ZKSCAN3: variants seen among roughly 807,000 people sequenced by gnomAD.
ZKSCAN3 encodes zinc finger protein with KRAB and SCAN domains 3.
In ZKSCAN3, 21 loss-of-function variants were observed where a neutral mutation model predicts 30.7. The observed-to-expected ratio is 0.68, with a 90% confidence interval of 0.49 to 0.99. The LOEUF (loss-of-function observed/expected upper bound fraction) is 0.99. Ranked by LOEUF, ZKSCAN3 falls within the 50% of genes least tolerant of loss-of-function variation. The probability of loss-of-function intolerance (pLI) is 0.00; values close to 1 mark genes in which losing one functional copy is unlikely to be tolerated. For missense variants in ZKSCAN3, 507 were observed against 647.1 expected (o/e 0.78, Z 2.35); for synonymous variants, 201 against 246.7 (o/e 0.81, Z 1.73).
In ZKSCAN3 at chr6:28,366,270, C is replaced by T. The variant is rs1400820334; in HGVS notation, c.1602C>T (p.Asn534=). 9 of 1,532,024 alleles carry T rather than the reference C, an allele frequency of 5.9e-6. No homozygotes were observed. The highest frequency in any genetic ancestry group is 1.8e-4 in the Middle Eastern group (1 of 5,660). The allele number at this position is 1,532,024 out of a possible 1,614,324, so 94.9% of individuals were successfully genotyped here. ...ATCAGAGAAGCCATGTAGGGAAAAACATCCTATCACAGTGACCCATGCCAT... is the reference window on the plus strand; with the variant it reads ...ATCAGAGAAGCCATGTAGGGAAAAATATCCTATCACAGTGACCCATGCCAT... ...VQHQRSHVGK[N]ILSQ is the part of the protein sequence containing the mutation. Residue 534 remains asparagine (N), a synonymous_variant, in exon 6 of 6, where the codon AAC becomes AAT. Coordinates refer to ENST00000252211, the MANE Select transcript of ZKSCAN3 (RefSeq NM_024493.4).
chr6:28,363,798 G>T lies in ZKSCAN3; in HGVS notation c.740G>T (p.Gly247Val). The T allele has an allele frequency of 6.2e-7, 1 of 1,613,824 alleles. No homozygotes were observed. Among genetic ancestry groups the T allele is most frequent in the Non-Finnish European group, 8.5e-7 (1 of 1,179,824 alleles). ...AGAGATGAAAAGCAGGAGAACCATGGCAGCCTGGTCTCCCTGGGTAAGACT... is the reference window on the plus strand; with the variant it reads ...AGAGATGAAAAGCAGGAGAACCATGTCAGCCTGGTCTCCCTGGGTAAGACT... ...LCRDEKQENHGSLVSLGDEKQ... is the reference protein window; with the variant it reads ...LCRDEKQENHVSLVSLGDEKQ... The change falls in exon 5 of 6, where the codon GGC (glycine) becomes GTC (valine). Residue 247 changes from glycine to valine, a missense_variant. Transcript: ENST00000252211.
chr6:28,349,937 C>A (rs9468346), upstream of ZKSCAN3: 2,736 of 152,298 alleles, frequency 0.018, 27 homozygotes, highest in Admixed American at 0.027. This position sits in a 1 kb window ranked among gnomAD's most constrained non-coding sequence, Gnocchi z 4.1. Flanking sequence ...CCCCGCCCTG[C>A]GGGTGGTTTG....
At position 28,367,722 on chromosome 6, in the gene ZKSCAN3, A is replaced by AT. The variant is rs55844189; in HGVS notation, c.*1454dup. 0.011 allele frequency: 1,541 copies of AT among 143,272 alleles called. 23 individuals carry two copies. The highest frequency in any genetic ancestry group is 0.025 in the African/African-American group (963 of 39,034). 8.9% of individuals were successfully genotyped at this position (143,272 alleles called of 1,614,324 possible). A position where few individuals can be genotyped will look rare whatever the true frequency, so the allele number is the denominator to read the frequency against. On this transcript the variant is annotated 3_prime_UTR_variant, in exon 6 of 6. Coordinates refer to ENST00000252211, the MANE Select transcript of ZKSCAN3 (RefSeq NM_024493.4). ...CTCCAGCTCAATGGATTCACACCAA[A>AT]TTTTTTTTTTTTTTTTTAGACGGAG... is the stretch of plus-strand genomic sequence containing the variant.
In ZKSCAN3 at chr6:28,365,851, G is replaced by A. The variant is rs753603394; in HGVS notation, c.1183G>A (p.Glu395Lys). Residue 395 changes from glutamate to lysine, a missense_variant, in exon 6 of 6, where the codon GAG becomes AAG. Glu to Lys is a moderately conservative substitution (Grantham distance 56). Coordinates refer to ENST00000252211, the MANE Select transcript of ZKSCAN3 (RefSeq NM_024493.4). ...CAAGCATCAGAGAACCCACACTGGG[G>A]AGAAGCCCTATGAGTGTGATGACTG... ...LIKHQRTHTG[E>K]KPYECDDCGK... The A allele has an allele frequency of 1.9e-6, 3 of 1,614,004 alleles. No individual in the cohort carries two copies. Among genetic ancestry groups the A allele is most frequent in the African/African-American group, 1.3e-5 (1 of 75,056 alleles).
At chr6:28,361,665 A>G (rs905313846) in intron 3 of ZKSCAN3, among the ~76,000 whole-genome samples, 194 bp downstream of exon 3, 1 of 152,218 alleles carries the variant, frequency 6.6e-6, no homozygotes, top group Non-Finnish European at 1.5e-5. Context: ...CATAGTAAAT[A>G]AGATATTAGT....
At chr6:28,358,397 C>T (rs536417373) in intron 1 of ZKSCAN3, among the ~76,000 whole-genome samples, 2 of 152,276 alleles carry the variant, frequency 1.3e-5, no homozygotes, top group Admixed American at 6.5e-5. Context: ...AAACCAAATA[C>T]AATGTAAATG....
At chr6:28,365,295 A>C in intron 5 of ZKSCAN3, 131 bp from the exon 6 acceptor site, 1 of 1,317,592 alleles carries the variant, frequency 7.6e-7, no homozygotes, top group Non-Finnish European at 1.0e-6. Flanking sequence ...TTTTATTCCC[A>C]TCCTTATTCT....
At chr6:28,357,030 CT>C (rs1765478079) in intron 1 of ZKSCAN3, among the ~76,000 whole-genome samples, 1 of 152,242 alleles carries the variant, frequency 6.6e-6, no homozygotes, top group African/African-American at 2.4e-5. Context: ...TGGGACATGG[CT>C]TTACTCAGCA....
rs1561939698 is a variant in ZKSCAN3 at position 28,363,743 on chromosome 6, C to T, written c.685C>T (p.Gln229Ter). 1.2e-6 allele frequency: 2 copies of T among 1,614,032 alleles called. No individual in the cohort carries two copies. The highest frequency in any genetic ancestry group is 2.2e-5 in the East Asian group (1 of 44,868). Residue 229 changes from glutamine (Q) to a stop codon, truncating the protein, a stop_gained, in exon 5 of 6, where the codon CAG (glutamine) becomes TAG (stop). Coordinates refer to ENST00000252211, the MANE Select transcript of ZKSCAN3 (RefSeq NM_024493.4). LOFTEE classifies it high-confidence loss of function. Reference sequence around the variant, plus strand: ...CCTGACCCTCACCCCTGAATGGACACAGCAGGATTCATCTCAGGGGAATCT... The same window carrying T: ...CCTGACCCTCACCCCTGAATGGACATAGCAGGATTCATCTCAGGGGAATCT... ...VALTLTPEWT[Q>*]QDSSQGNLCR...
Position 28,366,304 on chromosome 6 carries a change from G to C in ZKSCAN3, c.*19G>C, listed in dbSNP as rs1044327000. On this transcript the variant is annotated 3_prime_UTR_variant, in exon 6 of 6. Transcript: ENST00000252211. ...ACAGTGACCCATGCCATACATGCCA[G>C]AGTTGGTGCTCATTTGTCACTGATC... 6 of 705,246 alleles carry C rather than the reference G, an allele frequency of 8.5e-6. No individual in the cohort carries two copies. The highest frequency in any genetic ancestry group is 1.1e-5 in the Non-Finnish European group (6 of 545,516). 43.7% of individuals were successfully genotyped at this position (705,246 alleles called of 1,614,324 possible).
At position 28,359,552 on chromosome 6, in the gene ZKSCAN3, G is replaced by T; in HGVS notation, c.-35G>T. On this transcript the variant is annotated 5_prime_UTR_variant, in exon 2 of 6. Coordinates refer to ENST00000252211, the MANE Select transcript of ZKSCAN3 (RefSeq NM_024493.4). ...ATCTTCTGCAGAAATAGCGCTGGAA[G>T]CTAGAGTGAGGCCTGAGTACTGCCT... The T allele has an allele frequency of 6.3e-7, 1 of 1,593,636 alleles. No individual in the cohort carries two copies. Among genetic ancestry groups the T allele is most frequent in the Non-Finnish European group, 8.6e-7 (1 of 1,168,328 alleles).
chr6:28,365,852 A>G lies in ZKSCAN3; in HGVS notation c.1184A>G (p.Glu395Gly). The G allele has an allele frequency of 1.2e-6, 2 of 1,613,950 alleles. No homozygotes were observed. The stretch of plus-strand genomic sequence containing the variant: ...AAGCATCAGAGAACCCACACTGGGG[A>G]GAAGCCCTATGAGTGTGATGACTGT... ...LIKHQRTHTGEKPYECDDCGK... is the reference protein window; with the variant it reads ...LIKHQRTHTGGKPYECDDCGK... Residue 395 changes from glutamate to glycine, a missense_variant, in exon 6 of 6, where the codon GAG (glutamate) becomes GGG (glycine). Physicochemically the swap from Glu to Gly is moderately conservative, Grantham distance 98. Coordinates refer to ENST00000252211, the MANE Select transcript of ZKSCAN3 (RefSeq NM_024493.4).
At chr6:28,363,612 G>A in intron 4 of ZKSCAN3, 80 bp from the exon 5 acceptor site, 1 of 1,599,246 alleles carries the variant, frequency 6.3e-7, no homozygotes, top group East Asian at 2.2e-5. Flanking sequence ...CAGGAATGGG[G>A]CCTGGGGGTG....
At chr6:28,363,426 C>T (rs201467936) in intron 4 of ZKSCAN3, 41 bp downstream of exon 4, 14 of 1,579,238 alleles carry the variant, frequency 8.9e-6, no homozygotes, top group Non-Finnish European at 1.0e-5. Context: ...CCCCTCACTA[C>T]TATTGAGCTT....
rs1213892077 is a variant in ZKSCAN3 at position 28,366,286 on chromosome 6, C to A, written c.*1C>A. The A allele has an allele frequency of 1.3e-6, 2 of 1,511,740 alleles. No individual in the cohort carries two copies. The highest frequency in any genetic ancestry group is 1.6e-5 in the African/African-American group (1 of 64,440). The allele number at this position is 1,511,740 out of a possible 1,614,324, so 93.6% of individuals were successfully genotyped here. ...AGGGAAAAACATCCTATCACAGTGA[C>A]CCATGCCATACATGCCAGAGTTGGT... On this transcript the variant is annotated 3_prime_UTR_variant, in exon 6 of 6. Coordinates refer to ENST00000252211, the MANE Select transcript of ZKSCAN3 (RefSeq NM_024493.4).
At chr6:28,359,256 G>A (rs1765629496) in intron 1 of ZKSCAN3, among the ~76,000 whole-genome samples, 1 of 152,116 alleles carries the variant, frequency 6.6e-6, no homozygotes, top group African/African-American at 2.4e-5. Flanking sequence ...GCTTCCTAGA[G>A]AGTCCAGGAA....
chr6:28,359,132 C>T (rs1005987901), intron 1 of ZKSCAN3, among the ~76,000 whole-genome samples: 2 of 152,022 alleles, frequency 1.3e-5, no homozygotes, highest in Non-Finnish European at 2.9e-5. Context: ...GACTTGCTAT[C>T]TCATATTGAA....
intron 1 of ZKSCAN3, among the ~76,000 whole-genome samples, chr6:28,355,002 G>A (rs993039622): frequency 2.6e-5 from 4 of 152,212 alleles, no homozygotes; most frequent in Non-Finnish European, 2.9e-5. Context: ...TCAAACCATA[G>A]GGTGTTGGTA....
chr6:28,361,431 C>G lies in ZKSCAN3; in HGVS notation c.510C>G (p.Leu170=), dbSNP rs779712729. ...SSQFQLMKAL[L]KHESVGSQPL... ...AATTTCAGCTAATGAAGGCTCTGCT[C>G]AAGCATGAATCTGTGGGATCCCAGC... The change falls in exon 3 of 6, where the codon CTC becomes CTG. Residue 170 remains leucine, a synonymous_variant. Coordinates refer to ENST00000252211, the MANE Select transcript of ZKSCAN3 (RefSeq NM_024493.4). 6 of 1,613,944 alleles carry G rather than the reference C, an allele frequency of 3.7e-6. No homozygotes were observed. In the South Asian group the frequency reaches 5.5e-5, roughly 15 times the overall value.
Sources: gnomAD v4.1 joint callset for allele counts (sites outside exome capture counted in the v4.1 genomes callset) on GRCh38, gnomAD v4.1.1 for gene constraint, Gnocchi (gnomAD v3.1) non-coding constraint, MANE v1.5 for transcripts, NCBI Gene and HGNC (gene_info 2026-07-23, HGNC 2026-07-21) for gene names.